Variants in AGBL1 observed in about 807,000 individuals in gnomAD.
AGBL1 encodes AGBL carboxypeptidase 1.
Under a neutral mutation model 118.9 loss-of-function variants are expected in AGBL1, and 130 were observed. The ratio of observed to expected loss-of-function variants is 1.09; its 90% confidence interval spans 0.95 to 1.26. AGBL1 has a LOEUF of 1.26. Among genes scored for constraint, AGBL1 ranks in the 50% most tolerant of loss-of-function variants. The pLI, the probability that AGBL1 is intolerant of heterozygous loss-of-function variation, is 0.00. For synonymous variants in AGBL1, 555 were observed against 478.9 expected (o/e 1.16, Z -2.08); for missense variants, 1,584 against 1,298.1 (o/e 1.22, Z -3.38).
chr15:86,188,853 T>C (rs569086088), intron 5 of AGBL1, among the ~76,000 whole-genome samples: 2 of 152,298 alleles, frequency 1.3e-5, no homozygotes, highest in South Asian at 4.1e-4. Flanking sequence ...CTCTTGTAAT[T>C]TGGAAATATG....
rs768659288 is a variant in AGBL1, at chr15:86,397,392, G to T, written c.2401G>T (p.Ala801Ser). The change falls in exon 18 of 23, where the codon GCT becomes TCT. Residue 801 changes from alanine to serine, a missense_variant. By Grantham distance (99) the Ala-to-Ser change is moderately conservative. Coordinates refer to ENST00000614907, the MANE Select transcript of AGBL1 (RefSeq NM_001386094.1). ...ACATCGTCCATATCAGGTGATCACT[G>T]CTCGAGTTCATCCAGGAGAGAGCAA... ...FRHRPYQVIT[A>S]RVHPGESNAS... The T allele has an allele frequency of 6.2e-7, 1 of 1,609,404 alleles. No homozygotes were observed. Among genetic ancestry groups the T allele is most frequent in the South Asian group, 1.1e-5 (1 of 90,306 alleles).
chr15:86,603,401 T>A (rs1372122172), intron 21 of AGBL1, among the ~76,000 whole-genome samples: 2 of 152,168 alleles, frequency 1.3e-5, no homozygotes, highest in African/African-American at 4.8e-5. Flanking sequence ...CCATTTAAGA[T>A]TCCTCTTAAT....
At chr15:86,701,840 A>C (rs1198079045) in intron 22 of AGBL1, among the ~76,000 whole-genome samples, 14 of 104,782 alleles carry the variant, frequency 1.3e-4, no homozygotes, top group African/African-American at 3.1e-4. Flanking sequence ...TCCACTCCCC[A>C]TCTCTCCTTT....
intron 21 of AGBL1, among the ~76,000 whole-genome samples, chr15:86,657,011 C>T (rs762603187): frequency 2.0e-5 from 3 of 152,162 alleles, no homozygotes; most frequent in Admixed American, 6.6e-5. Flanking sequence ...CTTGCCTCAG[C>T]CATGTTGGTT....
intron 21 of AGBL1, among the ~76,000 whole-genome samples, chr15:86,625,430 C>A (rs1334967068): frequency 1.7e-5 from 2 of 120,142 alleles, no homozygotes; most frequent in African/African-American, 3.1e-5. Flanking sequence ...GCCTGTGAGA[C>A]TAAAAGAAGG....
At chr15:86,136,176 T>C (rs2076885985) in intron 1 of AGBL1, among the ~76,000 whole-genome samples, 1 of 152,146 alleles carries the variant, frequency 6.6e-6, no homozygotes, top group South Asian at 2.1e-4. Context: ...TCTGGCCAAA[T>C]TTACCTACCC....
At chr15:86,312,509 C>T (rs1283556155) in intron 17 of AGBL1, 2 of 152,206 alleles carry the variant, frequency 1.3e-5, no homozygotes, top group African/African-American at 4.8e-5. Flanking sequence ...ATCAAGTTCT[C>T]CCCTTAAGCA....
At chr15:86,586,559 C>T (rs533754309) in intron 21 of AGBL1, among the ~76,000 whole-genome samples, 156 of 152,190 alleles carry the variant, frequency 1.0e-3, no homozygotes, top group African/African-American at 3.5e-3. Flanking sequence ...GTGTTTTATT[C>T]GGAGCCAATG....
At chr15:86,172,908 T>G (rs1438680020) in intron 5 of AGBL1, among the ~76,000 whole-genome samples, 1 of 152,164 alleles carries the variant, frequency 6.6e-6, no homozygotes, top group Non-Finnish European at 1.5e-5. Flanking sequence ...ATTTTTAGTT[T>G]TTTTTCAAAA....
At chr15:86,458,151 A>G (rs8038296) in intron 18 of AGBL1, among the ~76,000 whole-genome samples, 69,768 of 152,006 alleles carry the variant, frequency 0.46, 16,843 homozygotes, top group Middle Eastern at 0.57. Flanking sequence ...AACTACTATG[A>G]CTAAGTAGCA....
At chr15:86,197,272 T>C (rs973516723) in intron 5 of AGBL1, among the ~76,000 whole-genome samples, 9 of 152,138 alleles carry the variant, frequency 5.9e-5, no homozygotes, top group African/African-American at 2.2e-4. Context: ...AAGGCAATTC[T>C]GGTGAGGACT....
chr15:86,612,254 G>A (rs1320040072), intron 21 of AGBL1, among the ~76,000 whole-genome samples: 1 of 152,034 alleles, frequency 6.6e-6, no homozygotes, highest in Admixed American at 6.6e-5. Context: ...GCCCCTGAAG[G>A]GTAGCACAAT....
chr15:86,633,852 AT>A (rs2085029021), intron 21 of AGBL1, among the ~76,000 whole-genome samples: 1 of 35,394 alleles, frequency 2.8e-5, no homozygotes, highest in African/African-American at 1.7e-4. Context: ...TATAATGTAT[AT>A]ATATATATAA....
intron 23 of AGBL1, among the ~76,000 whole-genome samples, chr15:86,963,040 T>C (rs1029899833): frequency 6.6e-6 from 1 of 152,082 alleles, no homozygotes; most frequent in Non-Finnish European, 1.5e-5. Context: ...TTGCAAAGCA[T>C]AAACAATGAT....
At chr15:86,557,723 C>T (rs1364782322) in intron 21 of AGBL1, among the ~76,000 whole-genome samples, 1 of 152,010 alleles carries the variant, frequency 6.6e-6, no homozygotes, top group Non-Finnish European at 1.5e-5. Flanking sequence ...GTGAGTAAGG[C>T]CTTTTACAAT....
At chr15:86,786,416 C>G (rs375557100) in intron 22 of AGBL1, among the ~76,000 whole-genome samples, 177 of 151,868 alleles carry the variant, frequency 1.2e-3, no homozygotes, top group African/African-American at 4.0e-3. Context: ...GTCATCAATA[C>G]GTACAAAGGA....
chr15:86,566,602 A>G (rs1166316104), intron 21 of AGBL1, among the ~76,000 whole-genome samples: 16 of 151,942 alleles, frequency 1.1e-4, no homozygotes, highest in Admixed American at 9.8e-4. Flanking sequence ...TCCTTGTCTC[A>G]TCAGAGAACC....
At chr15:86,556,219 G>T (rs754079750) in intron 21 of AGBL1, 24 of 1,611,604 alleles carry the variant, frequency 1.5e-5, no homozygotes, top group Non-Finnish European at 1.9e-5. Context: ...TCTCTACTGT[G>T]CAGTGTACAC....
At chr15:86,721,747 C>G (rs1010836424) in intron 22 of AGBL1, among the ~76,000 whole-genome samples, 1 of 152,178 alleles carries the variant, frequency 6.6e-6, no homozygotes, top group Non-Finnish European at 1.5e-5. Context: ...GATTGTATAT[C>G]TAGAAAACCC....
Sources: allele counts gnomAD v4.1 joint callset (sites outside exome capture counted in the v4.1 genomes callset), GRCh38; gene constraint gnomAD v4.1.1; transcripts MANE v1.5; gene names NCBI Gene and HGNC (gene_info 2026-07-23, HGNC 2026-07-21).